ADAMTSL1: variants seen among roughly 807,000 people sequenced by gnomAD.
The protein encoded by ADAMTSL1 is ADAMTS-like protein 1.
A neutral mutation model predicts 201.8 loss-of-function variants in ADAMTSL1; 126 were observed. The ratio of observed to expected loss-of-function variants is 0.62; its 90% confidence interval spans 0.54 to 0.72. The LOEUF (loss-of-function observed/expected upper bound fraction) is 0.72. Among genes scored for constraint, ADAMTSL1 ranks in the 30% least tolerant of loss-of-function variants. The probability of loss-of-function intolerance (pLI) is 0.00; values close to 1 mark genes in which losing one functional copy is unlikely to be tolerated. For missense variants in ADAMTSL1, 2,679 were observed against 2,277.8 expected, an observed-to-expected ratio of 1.18 and a Z score of -3.59; for synonymous variants, 1,121 against 903.4, an observed-to-expected ratio of 1.24 and a Z score of -4.32.
At chr9:18,329,386 A>C (rs1834945387) in intron 2 of ADAMTSL1, among the ~76,000 whole-genome samples, 1 of 152,198 alleles carries the variant, frequency 6.6e-6, no homozygotes, top group African/African-American at 2.4e-5. Flanking sequence ...TCACGAAGAG[A>C]AATCTCATGG....
chr9:18,546,972 G>T (rs563166223), intron 3 of ADAMTSL1, among the ~76,000 whole-genome samples: 1 of 152,120 alleles, frequency 6.6e-6, no homozygotes, highest in East Asian at 1.9e-4. Flanking sequence ...TAAATTTTAC[G>T]TGGCTATTTC....
At chr9:18,602,298 T>G (rs1180236640) in intron 4 of ADAMTSL1, among the ~76,000 whole-genome samples, 2 of 152,220 alleles carry the variant, frequency 1.3e-5, no homozygotes, top group Non-Finnish European at 2.9e-5. Flanking sequence ...AAAATCTTTT[T>G]GCACTAGGAC....
At chr9:18,576,337 G>T (rs1197434848) in intron 4 of ADAMTSL1, among the ~76,000 whole-genome samples, 1 of 152,196 alleles carries the variant, frequency 6.6e-6, no homozygotes, top group Non-Finnish European at 1.5e-5. Context: ...AGTAAGAATA[G>T]GGAGGTAGTT....
chr9:18,838,520 A>G (rs942715345), intron 23 of ADAMTSL1, among the ~76,000 whole-genome samples: 2 of 151,928 alleles, frequency 1.3e-5, no homozygotes, highest in African/African-American at 4.8e-5. Flanking sequence ...GTTTAAAAAT[A>G]AATAAATAAA....
chr9:18,889,716 C>A lies in ADAMTSL1; in HGVS notation c.4611C>A (p.Pro1537=). 1 of 1,543,666 alleles carries A rather than the reference C, an allele frequency of 6.5e-7. No homozygotes were observed. Reference sequence around the variant, plus strand: ...GGAAGGTTCGCCCTGCGGTGCAGCCCATCGCGTGCAACCGGAGAGACTGCC... The same window carrying A: ...GGAAGGTTCGCCCTGCGGTGCAGCCAATCGCGTGCAACCGGAGAGACTGCC... The part of the protein sequence containing the change: ...CAGKVRPAVQ[P]IACNRRDCPS... Residue 1537 remains proline (P), a synonymous_variant, in exon 25 of 29, where the codon CCC becomes CCA. Transcript: ENST00000380548.
intron 1 of ADAMTSL1, among the ~76,000 whole-genome samples, chr9:17,954,986 C>T (rs1454161272): frequency 1.3e-5 from 2 of 152,114 alleles, no homozygotes; most frequent in Middle Eastern, 3.4e-3. Flanking sequence ...ATCCAGCTTG[C>T]AAGATAGGAG....
intron 2 of ADAMTSL1, among the ~76,000 whole-genome samples, chr9:18,347,982 G>A (rs1164100990): frequency 4.6e-5 from 7 of 152,172 alleles, no homozygotes; most frequent in Admixed American, 4.6e-4. Context: ...TTTGGTTAAA[G>A]GGAAGAAGAA....
chr9:18,246,034 T>C (rs951413088), intron 2 of ADAMTSL1, among the ~76,000 whole-genome samples: 11 of 152,156 alleles, frequency 7.2e-5, no homozygotes, highest in Admixed American at 7.2e-4. Context: ...TTTCATCCTA[T>C]GTCCCTCTAC....
intron 2 of ADAMTSL1, among the ~76,000 whole-genome samples, chr9:18,414,481 A>G (rs537936751): frequency 9.2e-5 from 14 of 152,366 alleles, no homozygotes; most frequent in African/African-American, 3.4e-4. Context: ...CTCATGCGTG[A>G]AACAACCAAA....
intron 1 of ADAMTSL1, among the ~76,000 whole-genome samples, chr9:17,942,927 T>G (rs944352417): frequency 1.3e-5 from 2 of 152,148 alleles, no homozygotes; most frequent in African/African-American, 4.8e-5. Context: ...TCTTTTTTTG[T>G]TGTTTGTTTA....
At position 18,871,471 on chromosome 9, in the gene ADAMTSL1, C is replaced by G. The variant is rs1327618696; in HGVS notation, c.4250-16360C>G. Among the ~76,000 whole-genome samples, 4 of 152,160 alleles carry G rather than the reference C, an allele frequency of 2.6e-5. No homozygotes were observed. The East Asian group carries it at 7.7e-4, about 29-fold the overall frequency. ...AGTGTTTCGTCCTGAGGACTGATCT[C>G]TTGTCATTGATTATTTTGTCCACAC... On this transcript the variant is annotated intron_variant, in intron 23 of 28. Coordinates refer to ENST00000380548, the MANE Select transcript of ADAMTSL1 (RefSeq NM_001040272.6).
At chr9:18,026,110 T>C (rs1280387042) in intron 1 of ADAMTSL1, among the ~76,000 whole-genome samples, 1 of 152,012 alleles carries the variant, frequency 6.6e-6, no homozygotes, top group Non-Finnish European at 1.5e-5. Context: ...AGCCCTTTGG[T>C]AGAGTCTTTA....
At chr9:17,986,945 C>G (rs1818952436) in intron 1 of ADAMTSL1, among the ~76,000 whole-genome samples, 1 of 152,010 alleles carries the variant, frequency 6.6e-6, no homozygotes, top group East Asian at 1.9e-4. Flanking sequence ...GGGTTTTCTT[C>G]TTATAGCCAT....
chr9:18,432,488 T>G (rs1488635125), intron 2 of ADAMTSL1, among the ~76,000 whole-genome samples: 1 of 152,194 alleles, frequency 6.6e-6, no homozygotes, highest in Admixed American at 6.5e-5. Flanking sequence ...GAGCACTAGA[T>G]TAAGCCAATA....
chr9:18,836,927 T>C (rs1583345), intron 23 of ADAMTSL1, among the ~76,000 whole-genome samples: 130,798 of 151,922 alleles, frequency 0.86, 56,448 homozygotes, highest in East Asian at 0.93. Context: ...TATTGACATA[T>C]AGAAATGTTA....
chr9:18,586,769 T>C (rs531488183), intron 4 of ADAMTSL1, among the ~76,000 whole-genome samples: 4 of 152,056 alleles, frequency 2.6e-5, no homozygotes, highest in East Asian at 3.9e-4. Context: ...TGGAACAGAA[T>C]AGAGAGCCCA....
At chr9:18,180,599 A>G (rs1216905638) in intron 2 of ADAMTSL1, among the ~76,000 whole-genome samples, 1 of 151,988 alleles carries the variant, frequency 6.6e-6, no homozygotes, top group Non-Finnish European at 1.5e-5. Flanking sequence ...GACCTCTTCA[A>G]GGAGAACTAC....
intron 20 of ADAMTSL1, 135 bp from the exon 21 acceptor site, chr9:18,816,974 T>C (rs758461359): frequency 1.7e-6 from 2 of 1,171,438 alleles, no homozygotes; most frequent in Admixed American, 2.9e-5. Flanking sequence ...TTGCAATTTT[T>C]CAAGAGAAAA....
At position 18,298,884 on chromosome 9, in the gene ADAMTSL1, G is replaced by A. The variant is rs531725337; in HGVS notation, c.207+134903G>A. Among the ~76,000 whole-genome samples the A allele has an allele frequency of 2.0e-5, 3 of 151,934 alleles. No individual in the cohort carries two copies. In the South Asian group the frequency reaches 6.3e-4, roughly 32 times the overall value. On this transcript the variant is annotated intron_variant, in intron 2 of 29. Coordinates refer to the ADAMTSL1 transcript ENST00000680146. ...AAATCAGCCGGTCGTGGTGGCGGGC[G>A]CCTGTAGTCCCAGCTACTAGGAGAG...
Sources: gnomAD v4.1 joint callset for allele counts (sites outside exome capture counted in the v4.1 genomes callset) on GRCh38, gnomAD v4.1.1 for gene constraint, MANE v1.5 for transcripts, NCBI Gene and HGNC (gene_info 2026-07-23, HGNC 2026-07-21) for gene names.